Variants in AKAP9 observed in about 807,000 individuals in gnomAD.
The protein encoded by AKAP9 is A-kinase anchoring protein 9.
AKAP9 carries 311 observed loss-of-function variants against 488.5 expected under a neutral mutation model. The observed-to-expected ratio is 0.64, with a 90% confidence interval of 0.58 to 0.70. AKAP9 has a LOEUF of 0.70. Ranked by LOEUF, AKAP9 falls within the 30% of genes least tolerant of loss-of-function variation. The pLI is 0.00. For synonymous variants in AKAP9, 1,462 were observed against 1,483.5 expected, an observed-to-expected ratio of 0.99 and a Z score of 0.33; for missense variants, 4,215 against 4,374.5, an observed-to-expected ratio of 0.96 and a Z score of 1.03.
chr7:92,062,409 A>G lies in AKAP9; in HGVS notation c.5900A>G (p.Gln1967Arg). The G allele has an allele frequency of 6.2e-7, 1 of 1,613,944 alleles. No homozygotes were observed. Among genetic ancestry groups the G allele is most frequent in the Non-Finnish European group, 8.5e-7 (1 of 1,179,866 alleles). Reference protein sequence around the residue: ...NRLQELEAEQQQIQEERELLS... With the variant: ...NRLQELEAEQRQIQEERELLS... ...TTGCAAGAATTGGAGGCAGAGCAAC[A>G]GCAGATCCAAGAAGAAAGAGAATTA... Residue 1967 changes from glutamine to arginine, a missense_variant, in exon 24 of 50, where the codon CAG becomes CGG. This residue lies in a region of AKAP9 where 2,361 missense variants were observed against 2,430.0 expected (regional missense o/e 0.97). Transcript: ENST00000356239.
intron 22 of AKAP9, among the ~76,000 whole-genome samples, chr7:92,058,674 C>G (rs1408421625): frequency 2.6e-5 from 4 of 151,856 alleles, no homozygotes; most frequent in Non-Finnish European, 5.9e-5. Flanking sequence ...AAGATTCTTG[C>G]TTTTGTATGT....
At chr7:92,068,865 A>G (rs1470342696) in intron 26 of AKAP9, among the ~76,000 whole-genome samples, 1 of 152,172 alleles carries the variant, frequency 6.6e-6, no homozygotes, top group Non-Finnish European at 1.5e-5. Flanking sequence ...TTTCCTCAGA[A>G]TATTTCACTG....
In AKAP9 at chr7:92,038,055, C is replaced by A. The variant is rs1805477298; in HGVS notation, c.4339-364C>A. On this transcript the variant is annotated intron_variant, in intron 16 of 49. Coordinates refer to ENST00000356239, the MANE Select transcript of AKAP9 (RefSeq NM_005751.5). ...TATCTGTATCTATTCATATCTATCT[C>A]TGCAAAGAAGAATAAGAAGATTTGG... Among the ~76,000 whole-genome samples, 4 of 152,238 alleles carry A rather than the reference C, an allele frequency of 2.6e-5. No homozygotes were observed. The South Asian group carries it at 8.3e-4, about 32-fold the overall frequency.
At chr7:92,033,612 T>C (rs1804669418) in intron 16 of AKAP9, among the ~76,000 whole-genome samples, 1 of 151,972 alleles carries the variant, frequency 6.6e-6, no homozygotes, top group South Asian at 2.1e-4. Context: ...CCCCAGCTAA[T>C]TTTTTTGTAG....
At chr7:92,030,320 A>T (rs1229753899) in intron 15 of AKAP9, among the ~76,000 whole-genome samples, 2 of 152,208 alleles carry the variant, frequency 1.3e-5, no homozygotes, top group African/African-American at 4.8e-5. Flanking sequence ...TCTTCCCAGC[A>T]TGGGAAGTTG....
chr7:92,001,871 A>T lies in AKAP9; in HGVS notation c.1954A>T (p.Ile652Phe), dbSNP rs1441245024. 6.2e-7 allele frequency: 1 copy of T among 1,613,154 alleles called. No individual in the cohort carries two copies. Among genetic ancestry groups the T allele is most frequent in the African/African-American group, 1.3e-5 (1 of 74,924 alleles). ...EDLEIEHRIN[I>F]EKLKDNLGIH... The stretch of plus-strand genomic sequence containing the variant: ...TTTAGAAATTGAACATCGAATAAAT[A>T]TTGAAAAACTTAAAGATAATTTAGG... The change falls in exon 8 of 50, where the codon ATT (isoleucine) becomes TTT (phenylalanine). Residue 652 changes from isoleucine (I) to phenylalanine (F), a missense_variant. Transcript: ENST00000356239.
At chr7:92,011,581 G>A (rs1800748097) in intron 8 of AKAP9, among the ~76,000 whole-genome samples, 3 of 152,144 alleles carry the variant, frequency 2.0e-5, no homozygotes, top group Admixed American at 6.5e-5. Flanking sequence ...CTAGAAAAAT[G>A]TATTGCATCT....
chr7:92,014,258 G>C lies in AKAP9; in HGVS notation c.3542G>C (p.Gly1181Ala). ...TMKTQETGDE[G>A]KPLHLLIGKL... is the part of the protein sequence containing the mutation. Reference sequence around the variant, plus strand: ...TTATCTGTTCTATTAGGTGATGAAGGAAAGCCTTTACATCTGCTCATTGGA... The same window carrying C: ...TTATCTGTTCTATTAGGTGATGAAGCAAAGCCTTTACATCTGCTCATTGGA... Residue 1181 changes from glycine to alanine, a missense_variant, in exon 10 of 50, where the codon GGA (glycine) becomes GCA (alanine). Transcript: ENST00000356239. 1 of 1,610,382 alleles carries C rather than the reference G, an allele frequency of 6.2e-7. No homozygotes were observed. Among genetic ancestry groups the C allele is most frequent in the Non-Finnish European group, 8.5e-7 (1 of 1,176,784 alleles).
At chr7:91,970,597 A>C (rs1230118383) in intron 1 of AKAP9, 1 of 423,894 alleles carries the variant, frequency 2.4e-6, no homozygotes, top group African/African-American at 2.1e-5. Context: ...TTTGCTGGAT[A>C]CAGTATCCTT....
intron 15 of AKAP9, 133 bp from the exon 16 acceptor site, chr7:92,031,379 T>C (rs909304978): frequency 1.6e-6 from 1 of 633,884 alleles, no homozygotes; most frequent in Non-Finnish European, 2.8e-6. Context: ...AGAATTAAAA[T>C]TTATTTTTTG....
intron 44 of AKAP9, 110 bp from the exon 45 acceptor site, chr7:92,100,746 C>A: frequency 8.0e-7 from 1 of 1,251,044 alleles, no homozygotes; most frequent in South Asian, 1.2e-5. Flanking sequence ...TGAACTTTGT[C>A]TGGGTGGGGT....
chr7:91,966,407 T>C (rs1277047370), intron 1 of AKAP9, among the ~76,000 whole-genome samples: 2 of 152,254 alleles, frequency 1.3e-5, no homozygotes, highest in African/African-American at 4.8e-5. Context: ...TTCTTCTACA[T>C]ATGGTTATCC....
chr7:91,964,147 C>T (rs1794122748), intron 1 of AKAP9, among the ~76,000 whole-genome samples: 1 of 152,050 alleles, frequency 6.6e-6, no homozygotes, highest in African/African-American at 2.4e-5. Context: ...AGAGATACAC[C>T]AAAGTTCTCA....
intron 27 of AKAP9, 44 bp from the exon 28 acceptor site, chr7:92,070,861 G>C: frequency 1.5e-6 from 2 of 1,377,112 alleles, no homozygotes; most frequent in Non-Finnish European, 2.0e-6. Context: ...GGATAATCAG[G>C]ATTTAATTTA....
rs1197768073 is a variant in AKAP9, at chr7:91,993,192, TTC to T, written c.576+139_576+140del. ...TTCTTTTCTTTTCTTCTTCTTCTTC[TTC>T]TTTTTTTTTTTCCATACAGGGTCTT... is the stretch of plus-strand genomic sequence containing the variant. On this transcript the variant is annotated intron_variant, in intron 5 of 49. Coordinates refer to ENST00000356239, the MANE Select transcript of AKAP9 (RefSeq NM_005751.5). The T allele has an allele frequency of 3.4e-4, 322 of 935,300 alleles. No homozygotes were observed. The African/African-American group carries it at 4.5e-3, about 13-fold the overall frequency. The allele number at this position is 935,300 out of a possible 1,614,324, so 57.9% of individuals were successfully genotyped here. A position where few individuals can be genotyped will look rare whatever the true frequency, so the allele number is the denominator to read the frequency against.
At chr7:92,109,135 C>T (rs966149158) in intron 49 of AKAP9, 50 of 228,586 alleles carry the variant, frequency 2.2e-4, no homozygotes, top group African/African-American at 1.1e-3. Context: ...TTAATGTAAC[C>T]ATTATCCCTG....
intron 9 of AKAP9, among the ~76,000 whole-genome samples, chr7:92,013,894 G>A (rs1226867765): frequency 3.3e-5 from 5 of 150,030 alleles, no homozygotes; most frequent in Admixed American, 1.3e-4. Flanking sequence ...AAAAAACAAA[G>A]TAGAACAGAA....
In AKAP9 at chr7:92,084,858, A is replaced by C. The variant is rs1282725622; in HGVS notation, c.8750A>C (p.His2917Pro). Residue 2917 changes from histidine (H) to proline (P), a missense_variant, in exon 35 of 50, where the codon CAC (histidine) becomes CCC (proline). Transcript: ENST00000356239. Reference sequence around the variant, plus strand: ...TGGGGTCAGGGAATTTATCTTACACACAGTCAGGGATTTGACATAGCATCA... The same window carrying C: ...TGGGGTCAGGGAATTTATCTTACACCCAGTCAGGGATTTGACATAGCATCA... ...SDWGQGIYLTHSQGFDIASEG... is the reference protein window; with the variant it reads ...SDWGQGIYLTPSQGFDIASEG... 6.2e-7 allele frequency: 1 copy of C among 1,613,544 alleles called. No homozygotes were observed.
intron 39 of AKAP9, among the ~76,000 whole-genome samples, chr7:92,094,313 C>G (rs1765600506): frequency 6.7e-6 from 1 of 148,372 alleles, no homozygotes; most frequent in South Asian, 2.2e-4. Context: ...AGGTGGATCA[C>G]CTGAGGTCAG....
Sources: gnomAD v4.1 joint callset for allele counts (sites outside exome capture counted in the v4.1 genomes callset) on GRCh38, gnomAD v4.1.1 for gene constraint, gnomAD v4.1.1 regional missense constraint, MANE v1.5 for transcripts, NCBI Gene and HGNC (gene_info 2026-07-23, HGNC 2026-07-21) for gene names.